The following ERCC8 variants were observed in gnomAD, a reference collection of about 807,000 sequenced individuals.
The protein encoded by ERCC8 is ERCC excision repair 8, CSA ubiquitin ligase complex subunit.
In ERCC8, 52 loss-of-function variants were observed where a neutral mutation model predicts 54.9. The ratio of observed to expected loss-of-function variants is 0.95; its 90% CI spans 0.76 to 1.19. The LOEUF is 1.19. Ranked by LOEUF, ERCC8 falls within the 50% of genes most tolerant of loss-of-function variation. The probability of loss-of-function intolerance (pLI) is 0.00; values close to 1 mark genes in which losing one functional copy is unlikely to be tolerated. For synonymous variants in ERCC8, 146 were observed against 157.2 expected (o/e 0.93, Z 0.53); for missense variants, 514 against 466.1 (o/e 1.10, Z -0.95).
intron 1 of ERCC8, among the ~76,000 whole-genome samples, chr5:60,941,055 T>C (rs1750243014): frequency 6.6e-6 from 1 of 152,150 alleles, no homozygotes; most frequent in Non-Finnish European, 1.5e-5. Context: ...GGCCCGAGCC[T>C]GTAATCCCAG....
intron 1 of ERCC8, among the ~76,000 whole-genome samples, chr5:60,929,603 T>C (rs1005001183): frequency 6.6e-6 from 1 of 152,144 alleles, no homozygotes; most frequent in South Asian, 2.1e-4. Flanking sequence ...AAAGAGACTA[T>C]GTTCAACTTA....
At chr5:60,903,600 T>C (rs758331383) in intron 6 of ERCC8, 48 bp downstream of exon 6, 12 of 1,609,992 alleles carry the variant, frequency 7.5e-6, no homozygotes, top group African/African-American at 2.7e-5. Flanking sequence ...TTCTTTTTAT[T>C]GAATCGTTTA....
intron 3 of ERCC8, chr5:60,919,694 C>T (rs1580025593): frequency 6.6e-6 from 1 of 151,600 alleles, no homozygotes; most frequent in Non-Finnish European, 1.5e-5. Context: ...TTGTATAATA[C>T]TGATATAGGA....
chr5:60,922,610 T>C (rs1487082400), intron 2 of ERCC8, among the ~76,000 whole-genome samples: 1 of 152,096 alleles, frequency 6.6e-6, no homozygotes. Context: ...CATTTTTACC[T>C]GAATCACAGT....
chr5:60,944,514 C>T (rs897912044), intron 1 of ERCC8, among the ~76,000 whole-genome samples: 11 of 152,212 alleles, frequency 7.2e-5, no homozygotes, highest in African/African-American at 2.7e-4. Flanking sequence ...TTGTTCAATT[C>T]CTGGCCTGTG....
chr5:60,879,119 G>A (rs1259784406), intron 11 of ERCC8, among the ~76,000 whole-genome samples: 2 of 152,080 alleles, frequency 1.3e-5, no homozygotes, highest in Non-Finnish European at 2.9e-5. Context: ...CCTTCATTTC[G>A]TTATGTACCC....
rs1561490471 is a variant in ERCC8, at chr5:60,872,162, A to T, written c.*2453T>A. ...TCACCAAGGGGACAAGATTGAAAGTAGAATGGCCTGGGCTTAATAAATCAA... is the reference window on the plus strand; with the variant it reads ...TCACCAAGGGGACAAGATTGAAAGTTGAATGGCCTGGGCTTAATAAATCAA... On this transcript the variant is annotated 3_prime_UTR_variant, in exon 12 of 12. Coordinates refer to ENST00000676185, the MANE Select transcript of ERCC8 (RefSeq NM_000082.4). Among the ~76,000 whole-genome samples, 1 of 152,208 alleles carries T rather than the reference A, an allele frequency of 6.6e-6. No homozygotes were observed. Among genetic ancestry groups the T allele is most frequent in the African/African-American group, 2.4e-5 (1 of 41,448 alleles).
intron 1 of ERCC8, among the ~76,000 whole-genome samples, chr5:60,937,188 T>C (rs756728683): frequency 6.6e-6 from 1 of 151,964 alleles, no homozygotes; most frequent in Non-Finnish European, 1.5e-5. Flanking sequence ...AGCAGGGGAG[T>C]GAAGTGGCCT....
intron 6 of ERCC8, among the ~76,000 whole-genome samples, chr5:60,903,117 ATG>A (rs955516363): frequency 1.3e-5 from 2 of 151,948 alleles, no homozygotes; most frequent in Non-Finnish European, 2.9e-5. Flanking sequence ...CATATTTGTT[ATG>A]TGTTTCTTTG....
chr5:60,917,626 C>T (rs1354538917), intron 4 of ERCC8: 1 of 151,986 alleles, frequency 6.6e-6, no homozygotes, highest in Non-Finnish European at 1.5e-5. Flanking sequence ...GATTTTATGA[C>T]TAAATTTAAT....
intron 2 of ERCC8, among the ~76,000 whole-genome samples, chr5:60,927,433 G>T (rs973028436): frequency 2.0e-5 from 3 of 152,280 alleles, no homozygotes; most frequent in Middle Eastern, 3.4e-3. Context: ...GACTTTTACC[G>T]TGCAATAAAG....
At position 60,904,532 on chromosome 5, in the gene ERCC8, C is replaced by T. The variant is rs1748995197; in HGVS notation, c.481+260G>A. On this transcript the variant is annotated intron_variant, in intron 5 of 11. Coordinates refer to ENST00000676185, the MANE Select transcript of ERCC8 (RefSeq NM_000082.4). ...GGAACTCTTTAGACAGAAATACGCT[C>T]TTATTCTCTGAATCCTGGCCACAGC... Among the ~76,000 whole-genome samples the T allele has an allele frequency of 2.7e-5, 4 of 150,380 alleles. No individual in the cohort carries two copies. In the South Asian group the frequency reaches 8.5e-4, roughly 32 times the overall value.
rs770666820 is a variant in ERCC8, at chr5:60,874,689, A to C, written c.1123-6T>G. On this transcript the variant is annotated splice_polypyrimidine_tract_variant and splice_region_variant and intron_variant, in intron 11 of 11. Coordinates refer to ENST00000676185, the MANE Select transcript of ERCC8 (RefSeq NM_000082.4). ...AATTGTGATTTTGTTGTAGTCTAAAAAAAAAAAAGATAAAGAAAAAGGAAG... is the reference window on the plus strand; with the variant it reads ...AATTGTGATTTTGTTGTAGTCTAAACAAAAAAAAGATAAAGAAAAAGGAAG... The C allele has an allele frequency of 3.8e-6, 6 of 1,597,548 alleles. No individual in the cohort carries two copies. Among genetic ancestry groups the C allele is most frequent in the Non-Finnish European group, 4.3e-6 (5 of 1,174,808 alleles).
At chr5:60,914,547 T>A (rs559628942) in intron 4 of ERCC8, among the ~76,000 whole-genome samples, 1 of 151,910 alleles carries the variant, frequency 6.6e-6, no homozygotes, top group Non-Finnish European at 1.5e-5. Context: ...TCCCAACACT[T>A]TCAGAGGCCA....
chr5:60,892,742 TG>T, intron 9 of ERCC8: 1 of 695,268 alleles, frequency 1.4e-6, no homozygotes, highest in Admixed American at 2.1e-5. Flanking sequence ...AGCTGGGCCC[TG>T]GAACAATGGC....
chr5:60,926,468 A>T (rs1749754209), intron 2 of ERCC8, among the ~76,000 whole-genome samples: 1 of 152,228 alleles, frequency 6.6e-6, no homozygotes, highest in Admixed American at 6.5e-5. Context: ...GATAAATTCA[A>T]TACCAATTTA....
In ERCC8 at chr5:60,928,883, C is replaced by A; in HGVS notation, c.154G>T (p.Glu52Ter). The change falls in exon 2 of 12, where the codon GAA (glutamate) becomes TAA (stop). Residue 52 changes from glutamate (E) to a stop codon, truncating the protein, a stop_gained. Transcript: ENST00000676185. LOFTEE classifies it high-confidence loss of function. The part of the protein sequence containing the change: ...HGGGINTLDI[E>*]PVEGRYMLSG... ...ACTTACTATCTCCCTTCAACAGGTT[C>A]AATGTCAAGGGTGTTAATTCCACCG... 1 of 1,600,374 alleles carries A rather than the reference C, an allele frequency of 6.2e-7. No individual in the cohort carries two copies. The highest frequency in any genetic ancestry group is 8.6e-7 in the Non-Finnish European group (1 of 1,168,732).
At chr5:60,892,359 A>G (rs1377992192) in intron 9 of ERCC8, 1 of 550,220 alleles carries the variant, frequency 1.8e-6, no homozygotes, top group East Asian at 4.7e-5. Context: ...GTGGCCAAGC[A>G]TTCCATGGTG....
At chr5:60,891,252 T>G (rs999661727) in intron 9 of ERCC8, among the ~76,000 whole-genome samples, 166 bp from the exon 10 acceptor site, 2 of 152,124 alleles carry the variant, frequency 1.3e-5, no homozygotes, top group African/African-American at 4.8e-5. Context: ...GAATGTACAT[T>G]TAACAAAAGA....
Sources: allele counts gnomAD v4.1 joint callset (sites outside exome capture counted in the v4.1 genomes callset), GRCh38; gene constraint gnomAD v4.1.1; transcripts MANE v1.5; gene names NCBI Gene and HGNC (gene_info 2026-07-23, HGNC 2026-07-21).